Variants in C12orf56 observed in about 807,000 individuals in gnomAD.
C12orf56 encodes the protein uncharacterized protein C12orf56.
Under a neutral mutation model 69.9 loss-of-function variants are expected in C12orf56, and 71 were observed. The ratio of observed to expected loss-of-function variants is 1.02; its 90% confidence interval spans 0.84 to 1.24. C12orf56 has a LOEUF of 1.24. Among genes scored for constraint, C12orf56 ranks in the 50% most tolerant of loss-of-function variants. The pLI is 0.00. For missense variants in C12orf56, 732 were observed against 738.5 expected (o/e 0.99, Z 0.10); for synonymous variants, 276 against 274.1 (o/e 1.01, Z -0.07).
chr12:64,358,482 A>AATCATCATCATCATCATCATC (rs1555193400), intron 1 of C12orf56, among the ~76,000 whole-genome samples: 3,446 of 125,850 alleles, frequency 0.027, 72 homozygotes, highest in Non-Finnish European at 0.032. Flanking sequence ...TAATAATAAT[A>AATCATCATCATCATCATCATC]ATCATCATCA....
At chr12:64,277,852 A>G (rs200625777) in intron 8 of C12orf56, 49 bp from the exon 9 acceptor site, 4 of 1,383,910 alleles carry the variant, frequency 2.9e-6, no homozygotes, top group Non-Finnish European at 3.8e-6. Flanking sequence ...TGTTGAGAGG[A>G]AAAATGGTGA....
At chr12:64,374,069 C>A (rs2039608395) in intron 1 of C12orf56, among the ~76,000 whole-genome samples, 1 of 152,088 alleles carries the variant, frequency 6.6e-6, no homozygotes, top group African/African-American at 2.4e-5. Context: ...CTTTAGTGTA[C>A]CAATCCCTAA....
chr12:64,270,995 G>A (rs549618917), intron 11 of C12orf56, among the ~76,000 whole-genome samples: 33 of 152,062 alleles, frequency 2.2e-4, no homozygotes, highest in African/African-American at 5.3e-4. Flanking sequence ...GTGGAACCCC[G>A]TCTCTACTAA....
At chr12:64,273,442 G>A (rs963384688) in intron 11 of C12orf56, among the ~76,000 whole-genome samples, 1 of 152,164 alleles carries the variant, frequency 6.6e-6, no homozygotes, top group Non-Finnish European at 1.5e-5. Context: ...AGAGATTAAG[G>A]GATAAAGCCT....
chr12:64,315,645 A>G (rs1431553751), intron 4 of C12orf56, among the ~76,000 whole-genome samples: 2 of 152,182 alleles, frequency 1.3e-5, no homozygotes, highest in African/African-American at 2.4e-5. Flanking sequence ...TAAAATGTGT[A>G]ATGTGGCCGG....
intron 3 of C12orf56, among the ~76,000 whole-genome samples, chr12:64,324,784 G>A (rs1171413503): frequency 1.3e-5 from 2 of 152,182 alleles, no homozygotes; most frequent in Non-Finnish European, 2.9e-5. Flanking sequence ...GAATGGAGGT[G>A]GAGAGTGTAG....
intron 6 of C12orf56, among the ~76,000 whole-genome samples, chr12:64,296,503 G>C (rs942142795): frequency 2.0e-5 from 3 of 152,192 alleles, no homozygotes; most frequent in African/African-American, 7.2e-5. Context: ...GACAACTGGA[G>C]AGGAATTTGC....
chr12:64,385,717 T>TC (rs771476342), intron 1 of C12orf56, among the ~76,000 whole-genome samples: 2 of 152,020 alleles, frequency 1.3e-5, no homozygotes, highest in East Asian at 1.9e-4. Flanking sequence ...CTCCCTGGCT[T>TC]CCCCCCACCT....
At chr12:64,378,625 G>A (rs909610499) in intron 1 of C12orf56, among the ~76,000 whole-genome samples, 5 of 152,164 alleles carry the variant, frequency 3.3e-5, no homozygotes, top group Admixed American at 6.5e-5. Flanking sequence ...AGTAGAGACA[G>A]GGTTTCACCA....
At chr12:64,326,897 G>A (rs2038852125) in intron 3 of C12orf56, among the ~76,000 whole-genome samples, 1 of 152,258 alleles carries the variant, frequency 6.6e-6, no homozygotes, top group Non-Finnish European at 1.5e-5. Context: ...CAGTATGGCA[G>A]TATTGAGTGG....
At chr12:64,334,090 A>G (rs1302442069) in intron 2 of C12orf56, among the ~76,000 whole-genome samples, 2 of 152,206 alleles carry the variant, frequency 1.3e-5, no homozygotes, top group Non-Finnish European at 2.9e-5. Flanking sequence ...TGCATATCTG[A>G]TGGAATGCTT....
chr12:64,295,850 T>C (rs1370054620), intron 6 of C12orf56, among the ~76,000 whole-genome samples: 1 of 151,450 alleles, frequency 6.6e-6, no homozygotes, highest in Admixed American at 6.6e-5. Context: ...TATTATAGCG[T>C]ATCTGTAATT....
At position 64,380,126 on chromosome 12, in the gene C12orf56, AAAAAAAAACAAAAC is replaced by A. The variant is rs1441287159; in HGVS notation, c.252+10174_252+10187del. ...TCGCAAAAAAAAAAAAAAAAAAAAA[AAAAAAAAACAAAAC>A]AAACAAAAAAAAACGCACAATGCAG... is the stretch of plus-strand genomic sequence containing the variant. On this transcript the variant is annotated intron_variant, in intron 1 of 12. Transcript: ENST00000543942. Among the ~76,000 whole-genome samples the A allele has an allele frequency of 4.5e-3, 356 of 79,532 alleles. 28 individuals are homozygous for A. Among genetic ancestry groups the A allele is most frequent in the Middle Eastern group, 0.012 (2 of 164 alleles). The allele number at this position is 79,532 out of a possible 152,430, so 52.2% of individuals were successfully genotyped here.
rs768370363 is a variant in C12orf56, at chr12:64,386,398, A to ATT, written c.252+3914_252+3915dup. ...CTGGCTAATTTTTATATATATATAT[A>ATT]TTTTTTTTTTTTTTTGAGACGGAGT... On this transcript the variant is annotated intron_variant, in intron 1 of 12. Coordinates refer to ENST00000543942, the MANE Select transcript of C12orf56 (RefSeq NM_001170633.2). 8.6e-4 allele frequency among the ~76,000 whole-genome samples: 75 copies of ATT among 87,352 alleles called. 1 individual carries two copies. The highest frequency in any genetic ancestry group is 1.2e-3 in the Non-Finnish European group (53 of 44,468). 57.3% of individuals were successfully genotyped at this position (87,352 alleles called of 152,430 possible).
intron 2 of C12orf56, among the ~76,000 whole-genome samples, chr12:64,342,413 A>C (rs1286763158): frequency 1.3e-5 from 2 of 152,194 alleles, no homozygotes; most frequent in Non-Finnish European, 2.9e-5. Context: ...CCTGCATATC[A>C]TGCAGAACCA....
intron 1 of C12orf56, among the ~76,000 whole-genome samples, chr12:64,358,295 T>TA (rs1462878373): frequency 6.6e-6 from 1 of 151,182 alleles, no homozygotes; most frequent in Non-Finnish European, 1.5e-5. Flanking sequence ...CCGTCTATAC[T>TA]AAAAATACAA....
chr12:64,306,434 T>TG (rs2038513205), intron 5 of C12orf56, among the ~76,000 whole-genome samples: 1 of 151,748 alleles, frequency 6.6e-6, no homozygotes, highest in Non-Finnish European at 1.5e-5. Flanking sequence ...TTTTTTTTTT[T>TG]TTAGACAGAG....
At chr12:64,340,679 C>T (rs2039062976) in intron 2 of C12orf56, among the ~76,000 whole-genome samples, 2 of 152,188 alleles carry the variant, frequency 1.3e-5, no homozygotes, top group Admixed American at 6.5e-5. Context: ...TGTATACATG[C>T]ACAAACATGT....
intron 3 of C12orf56, among the ~76,000 whole-genome samples, chr12:64,323,262 C>T (rs1565756057): frequency 6.6e-6 from 1 of 152,146 alleles, no homozygotes; most frequent in African/African-American, 2.4e-5. Flanking sequence ...ACCATTCCTA[C>T]GTTCCCAGGA....
Sources: allele counts gnomAD v4.1 joint callset (sites outside exome capture counted in the v4.1 genomes callset), GRCh38; gene constraint gnomAD v4.1.1; transcripts MANE v1.5; gene names NCBI Gene and HGNC (gene_info 2026-07-23, HGNC 2026-07-21).